Variants in PHF20 observed in about 807,000 individuals in gnomAD.
PHF20 encodes PHD finger protein 20.
In PHF20, 23 loss-of-function variants were observed where a neutral mutation model predicts 113.5. That is an observed-to-expected ratio of 0.20 (90% CI 0.15 to 0.29). The LOEUF (loss-of-function observed/expected upper bound fraction) is 0.29. Among genes scored for constraint, PHF20 ranks in the 10% least tolerant of loss-of-function variants. The pLI, the probability that PHF20 is intolerant of heterozygous loss-of-function variation, is 1.00. For missense variants in PHF20, 943 were observed against 1,219.6 expected (o/e 0.77, Z 3.38); for synonymous variants, 434 against 457.3 (o/e 0.95, Z 0.65).
chr20:35,871,233 G>A, intron 8 of PHF20, 99 bp downstream of exon 8: 1 of 975,556 alleles, frequency 1.0e-6, no homozygotes, highest in South Asian at 1.4e-5. Context: ...GTATTAAATT[G>A]TCTTGAAATC....
rs1444330322 is a variant in PHF20 at position 35,816,542 on chromosome 20, G to A, written c.83+14937G>A. Among the ~76,000 whole-genome samples, 7 of 148,838 alleles carry A rather than the reference G, an allele frequency of 4.7e-5. No individual in the cohort carries two copies. In the East Asian group the frequency reaches 8.0e-4, roughly 17 times the overall value. On this transcript the variant is annotated intron_variant, in intron 2 of 17. Transcript: ENST00000374012. ...TCCGGTCACTGCAACCTCTGCCTCC[G>A]GGGTTCAAGCGATTCTCCAGCCTCA...
chr20:35,896,654 A>C (rs1464914559), intron 9 of PHF20, among the ~76,000 whole-genome samples: 1 of 151,518 alleles, frequency 6.6e-6, no homozygotes, highest in Non-Finnish European at 1.5e-5. Context: ...AAAAAAAAAA[A>C]ACTGGACGTG....
intron 1 of PHF20, among the ~76,000 whole-genome samples, chr20:35,786,681 A>G (rs2041424186): frequency 6.6e-6 from 1 of 152,158 alleles, no homozygotes; most frequent in African/African-American, 2.4e-5. Context: ...TAGCTTGGCG[A>G]CAGAGCTTGA....
chr20:35,774,824 G>A (rs2041139334), intron 1 of PHF20: 1 of 152,188 alleles, frequency 6.6e-6, no homozygotes. Flanking sequence ...ATGGAGAAGT[G>A]CTCTGAACTC....
intron 2 of PHF20, among the ~76,000 whole-genome samples, chr20:35,839,564 G>A (rs1035074620): frequency 4.6e-5 from 7 of 152,118 alleles, no homozygotes; most frequent in African/African-American, 1.7e-4. Flanking sequence ...AGTGGATTTA[G>A]GGAATCCTCT....
Position 35,941,155 on chromosome 20 carries a change from T to G in PHF20, c.2896+108T>G, listed in dbSNP as rs536786427. The G allele has an allele frequency of 4.2e-4, 335 of 794,056 alleles. 1 individual carries two copies. The African/African-American group carries it at 5.4e-3, about 13-fold the overall frequency. 49.2% of individuals were successfully genotyped at this position (794,056 alleles called of 1,614,324 possible). ...GAGTTTACAGGGACCGCTGTACTCTTTGCTTCTCTTCTTTTCAGCCTCTCC... is the reference window on the plus strand; with the variant it reads ...GAGTTTACAGGGACCGCTGTACTCTGTGCTTCTCTTCTTTTCAGCCTCTCC... On this transcript the variant is annotated intron_variant, in intron 17 of 17. Transcript: ENST00000374012.
chr20:35,842,725 A>G lies in PHF20; in HGVS notation c.236A>G (p.His79Arg), dbSNP rs1266211382. Residue 79 changes from histidine (H) to arginine (R), a missense_variant, in exon 3 of 18, where the codon CAT becomes CGT. Physicochemically the swap from His to Arg is conservative, Grantham distance 29 (BLOSUM62 0). This residue lies in a region of PHF20 where 592 missense variants were observed against 787.2 expected (regional missense o/e 0.75). Transcript: ENST00000374012. ...EKIQLRKEGL[H>R]EEDGSSEFQI... Reference sequence around the variant, plus strand: ...ATACAGCTGAGGAAAGAGGGCTTGCATGAAGAGGATGGATCTTCTGTGAGT... The same window carrying G: ...ATACAGCTGAGGAAAGAGGGCTTGCGTGAAGAGGATGGATCTTCTGTGAGT... 22 of 1,613,960 alleles carry G rather than the reference A, an allele frequency of 1.4e-5. No homozygotes were observed. Among genetic ancestry groups the G allele is most frequent in the Non-Finnish European group, 1.9e-5 (22 of 1,179,978 alleles).
intron 2 of PHF20, among the ~76,000 whole-genome samples, chr20:35,823,294 C>T (rs919976925): frequency 1.3e-5 from 2 of 151,790 alleles, no homozygotes; most frequent in Admixed American, 6.6e-5. Context: ...ACAGTTCACG[C>T]AAGCCCCACC....
chr20:35,857,829 C>T (rs932468266), intron 4 of PHF20, among the ~76,000 whole-genome samples: 32 of 152,242 alleles, frequency 2.1e-4, no homozygotes, highest in African/African-American at 7.5e-4. Context: ...TGTCATCCGC[C>T]TGCCTCGGCC....
At chr20:35,833,057 A>AG in intron 2 of PHF20, among the ~76,000 whole-genome samples, 1 of 151,602 alleles carries the variant, frequency 6.6e-6, no homozygotes, top group East Asian at 1.9e-4. Context: ...TCTCAAAAAA[A>AG]AAAAAAAAAA....
At position 35,899,410 on chromosome 20, in the gene PHF20, T is replaced by C. The variant is rs756270142; in HGVS notation, c.1323T>C (p.Ser441=). The C allele has an allele frequency of 7.4e-6, 12 of 1,613,500 alleles. No individual in the cohort carries two copies. Among genetic ancestry groups the C allele is most frequent in the African/African-American group, 1.3e-5 (1 of 74,934 alleles). ...TFKKTDDFGS[S]NAPAVDLDHK... is the part of the protein sequence containing the mutation. ...AGAAAACAGATGATTTTGGGTCATCTAATGCACCAGCTGTCGACCTAGACC... is the reference window on the plus strand; with the variant it reads ...AGAAAACAGATGATTTTGGGTCATCCAATGCACCAGCTGTCGACCTAGACC... Residue 441 remains serine, a synonymous_variant, in exon 10 of 18, where the codon TCT becomes TCC. Coordinates refer to ENST00000374012, the MANE Select transcript of PHF20 (RefSeq NM_016436.5).
chr20:35,850,296 G>GT (rs554100863), intron 4 of PHF20, among the ~76,000 whole-genome samples: 2,947 of 62,306 alleles, frequency 0.047, 835 homozygotes, highest in Non-Finnish European at 0.068. Flanking sequence ...TTCCCCCTCC[G>GT]TTTTTTTTTT....
At chr20:35,919,307 G>A (rs975133250) in intron 13 of PHF20, among the ~76,000 whole-genome samples, 9 of 150,598 alleles carry the variant, frequency 6.0e-5, no homozygotes, top group East Asian at 3.9e-4. Context: ...GTGAGCCACC[G>A]CGCCTGGCAA....
chr20:35,905,055 C>A (rs866439914), intron 10 of PHF20, among the ~76,000 whole-genome samples: 1 of 151,954 alleles, frequency 6.6e-6, no homozygotes, highest in African/African-American at 2.4e-5. Context: ...AAACTCCCGA[C>A]CTCAGATGAT....
chr20:35,811,684 C>T (rs573828485), intron 2 of PHF20, among the ~76,000 whole-genome samples: 1 of 152,166 alleles, frequency 6.6e-6, no homozygotes, highest in African/African-American at 2.4e-5. Flanking sequence ...AGGTGATCCA[C>T]CTGCCTTGGC....
intron 10 of PHF20, among the ~76,000 whole-genome samples, chr20:35,912,978 C>T (rs935595758): frequency 6.6e-6 from 1 of 152,222 alleles, no homozygotes; most frequent in African/African-American, 2.4e-5. Flanking sequence ...CACTTTTCAG[C>T]TCTGCTGTTG....
intron 2 of PHF20, among the ~76,000 whole-genome samples, chr20:35,814,448 C>T (rs2042031232): frequency 6.6e-6 from 1 of 151,638 alleles, no homozygotes; most frequent in South Asian, 2.1e-4. Flanking sequence ...AACTCCTGAC[C>T]TCAAGTGATC....
intron 10 of PHF20, among the ~76,000 whole-genome samples, chr20:35,901,997 A>G (rs187652544): frequency 6.3e-5 from 9 of 143,480 alleles, no homozygotes; most frequent in Non-Finnish European, 1.4e-4. Context: ...TTGTGAGCTA[A>G]TCTTTTTAAT....
chr20:35,886,519 A>G (rs1391497247), intron 9 of PHF20, among the ~76,000 whole-genome samples: 1 of 152,176 alleles, frequency 6.6e-6, no homozygotes, highest in Non-Finnish European at 1.5e-5. Flanking sequence ...ATTATGTGAA[A>G]TATATATCAA....
Sources: gnomAD v4.1 joint callset for allele counts (sites outside exome capture counted in the v4.1 genomes callset) on GRCh38, gnomAD v4.1.1 for gene constraint, gnomAD v4.1.1 regional missense constraint, MANE v1.5 for transcripts, NCBI Gene and HGNC (gene_info 2026-07-23, HGNC 2026-07-21) for gene names.